THSD7B: variants seen among roughly 807,000 people sequenced by gnomAD.
THSD7B encodes thrombospondin type-1 domain-containing protein 7B.
Under a neutral mutation model 213.6 loss-of-function variants are expected in THSD7B, and 138 were observed. The ratio of observed to expected loss-of-function variants is 0.65; its 90% CI spans 0.56 to 0.74. The LOEUF (loss-of-function observed/expected upper bound fraction) is 0.74. Among genes scored for constraint, THSD7B ranks in the 30% least tolerant of loss-of-function variants. The probability of loss-of-function intolerance (pLI) is 0.00; values close to 1 mark genes in which losing one functional copy is unlikely to be tolerated. For missense variants in THSD7B, 1,931 were observed against 1,991.5 expected (o/e 0.97, Z 0.58); for synonymous variants, 742 against 687.0 (o/e 1.08, Z -1.25).
rs916165307 is a variant in THSD7B at position 137,404,171 on chromosome 2, C to A, written c.2501-1442C>A. On this transcript the variant is annotated intron_variant, in intron 12 of 27. Transcript: ENST00000409968. ...TCACGATTATTATTTTAAGGAACGA[C>A]TAGAGAGTTCCTAGTTGAAAAAGTG... is the stretch of plus-strand genomic sequence containing the variant. Among the ~76,000 whole-genome samples, 3 of 151,696 alleles carry A rather than the reference C, an allele frequency of 2.0e-5. No individual in the cohort carries two copies. In the South Asian group the frequency reaches 6.2e-4, roughly 32 times the overall value.
chr2:136,891,274 G>A (rs978175187), intron 2 of THSD7B, among the ~76,000 whole-genome samples: 2 of 151,980 alleles, frequency 1.3e-5, no homozygotes, highest in African/African-American at 4.8e-5. Flanking sequence ...TTCTTCTAAT[G>A]TCTATTAATT....
At chr2:136,860,738 C>T (rs1055230791) in intron 1 of THSD7B, among the ~76,000 whole-genome samples, 4 of 152,322 alleles carry the variant, frequency 2.6e-5, no homozygotes, top group South Asian at 2.1e-4. Flanking sequence ...CACAGCATCT[C>T]GAGAGATCCT....
chr2:137,288,896 C>A (rs897902707), intron 12 of THSD7B, among the ~76,000 whole-genome samples: 11 of 151,872 alleles, frequency 7.2e-5, no homozygotes, highest in African/African-American at 2.2e-4. Flanking sequence ...GACCTAGAGG[C>A]AAACTGGTGT....
intron 2 of THSD7B, among the ~76,000 whole-genome samples, chr2:136,989,512 C>T (rs2104814270): frequency 6.6e-6 from 1 of 152,292 alleles, no homozygotes; most frequent in Non-Finnish European, 1.5e-5. Context: ...GAGGCCTCAA[C>T]AGAAGTTGAG....
At chr2:137,283,021 A>T (rs1206800178) in intron 12 of THSD7B, among the ~76,000 whole-genome samples, 1 of 152,168 alleles carries the variant, frequency 6.6e-6, no homozygotes, top group African/African-American at 2.4e-5. Flanking sequence ...ACGATAATTG[A>T]TTCTTCCTAC....
chr2:136,895,799 C>T (rs1360455541), intron 2 of THSD7B, among the ~76,000 whole-genome samples: 1 of 152,084 alleles, frequency 6.6e-6, no homozygotes, highest in Non-Finnish European at 1.5e-5. Flanking sequence ...CAGGCAACCA[C>T]TAATCTACTT....
At chr2:136,961,748 G>A (rs1447354980) in intron 2 of THSD7B, among the ~76,000 whole-genome samples, 1 of 152,214 alleles carries the variant, frequency 6.6e-6, no homozygotes, top group Non-Finnish European at 1.5e-5. Context: ...GAGGAATGTG[G>A]TGGTCTCTGG....
rs112561354 is a variant in THSD7B at position 136,942,929 on chromosome 2, T to A, written c.139+60612T>A. Reference sequence around the variant, plus strand: ...AGAGAGGACATCCCTGTCTTGTGCCTGTTTTCAAAGGGAATGCTTCCAGTT... The same window carrying A: ...AGAGAGGACATCCCTGTCTTGTGCCAGTTTTCAAAGGGAATGCTTCCAGTT... On this transcript the variant is annotated intron_variant, in intron 2 of 27. Coordinates refer to ENST00000409968, the MANE Select transcript of THSD7B (RefSeq NM_001316349.2). Among the ~76,000 whole-genome samples, 12 of 152,236 alleles carry A rather than the reference T, an allele frequency of 7.9e-5. No homozygotes were observed. In the South Asian group the frequency reaches 1.0e-3, roughly 13 times the overall value.
At chr2:137,511,098 T>C (rs970260856) in intron 15 of THSD7B, among the ~76,000 whole-genome samples, 2 of 152,220 alleles carry the variant, frequency 1.3e-5, no homozygotes, top group Non-Finnish European at 2.9e-5. Flanking sequence ...TGTTTATTTA[T>C]CTTAAACATT....
intron 12 of THSD7B, among the ~76,000 whole-genome samples, chr2:137,298,836 C>A (rs1354222100): frequency 6.6e-6 from 1 of 152,204 alleles, no homozygotes; most frequent in Non-Finnish European, 1.5e-5. Flanking sequence ...ATGGAAATGA[C>A]TGGATGCCCA....
intron 5 of THSD7B, among the ~76,000 whole-genome samples, chr2:137,132,955 C>G (rs1288184904): frequency 6.6e-6 from 1 of 152,170 alleles, no homozygotes; most frequent in Non-Finnish European, 1.5e-5. Context: ...TTTACAGTTT[C>G]TCTCTTTACA....
intron 12 of THSD7B, among the ~76,000 whole-genome samples, chr2:137,366,728 G>T (rs1377628373): frequency 6.6e-6 from 1 of 150,502 alleles, no homozygotes; most frequent in Non-Finnish European, 1.5e-5. Context: ...TTTTGATATT[G>T]TTATAAAAAA....
At chr2:137,016,664 G>A (rs13416828) in intron 2 of THSD7B, among the ~76,000 whole-genome samples, 11,362 of 152,170 alleles carry the variant, frequency 0.075, 465 homozygotes, top group East Asian at 0.15. Context: ...TTGGGCCAGG[G>A]TATATTCTCA....
intron 1 of THSD7B, among the ~76,000 whole-genome samples, chr2:136,777,059 A>G (rs1681623439): frequency 6.6e-6 from 1 of 152,186 alleles, no homozygotes; most frequent in Non-Finnish European, 1.5e-5. Flanking sequence ...AAATGAGATA[A>G]TTACAAGGGG....
chr2:137,482,547 A>G (rs1017472767), intron 15 of THSD7B, among the ~76,000 whole-genome samples: 1 of 152,228 alleles, frequency 6.6e-6, no homozygotes, highest in Non-Finnish European at 1.5e-5. Flanking sequence ...AAAGTACAGT[A>G]CATGAAACAT....
chr2:136,920,312 C>T (rs959660706), intron 2 of THSD7B, among the ~76,000 whole-genome samples: 1 of 152,166 alleles, frequency 6.6e-6, no homozygotes, highest in African/African-American at 2.4e-5. Context: ...GATGAGTGTC[C>T]AGCTCTCAGC....
At chr2:137,627,815 G>A (rs993563026) in intron 20 of THSD7B, among the ~76,000 whole-genome samples, 2 of 152,168 alleles carry the variant, frequency 1.3e-5, no homozygotes, top group Non-Finnish European at 2.9e-5. Flanking sequence ...GCACAAATGA[G>A]AGCAAAGAGC....
intron 14 of THSD7B, among the ~76,000 whole-genome samples, chr2:137,443,555 G>A (rs1453338087): frequency 2.0e-5 from 3 of 151,978 alleles, no homozygotes; most frequent in African/African-American, 7.2e-5. Context: ...CAAGGGCAGG[G>A]TTGATTCTCT....
chr2:137,353,472 C>A (rs1042341333), intron 12 of THSD7B, among the ~76,000 whole-genome samples: 6 of 152,044 alleles, frequency 3.9e-5, no homozygotes, highest in African/African-American at 1.4e-4. Flanking sequence ...TTTTTCCTTG[C>A]AACCTAAGGT....
Sources: allele counts gnomAD v4.1 joint callset (sites outside exome capture counted in the v4.1 genomes callset), GRCh38; gene constraint gnomAD v4.1.1; transcripts MANE v1.5; gene names NCBI Gene and HGNC (gene_info 2026-07-23, HGNC 2026-07-21).